WWOX: variants seen among roughly 807,000 people sequenced by gnomAD.
WWOX encodes the protein WW domain-containing oxidoreductase.
Under a neutral mutation model 46.2 loss-of-function variants are expected in WWOX, and 69 were observed. The ratio of observed to expected loss-of-function variants is 1.49; its 90% CI spans 1.23 to 1.82. The LOEUF is 1.82. Ranked by LOEUF, WWOX falls within the 40% of genes most tolerant of loss-of-function variation. The pLI, the probability that WWOX is intolerant of heterozygous loss-of-function variation, is 0.00. For missense variants in WWOX, 919 were observed against 542.6 expected, an observed-to-expected ratio of 1.69 and a Z score of -6.89; for synonymous variants, 359 against 202.6, an observed-to-expected ratio of 1.77 and a Z score of -6.56.
intron 8 of WWOX, among the ~76,000 whole-genome samples, chr16:78,868,442 A>C (rs57137301): frequency 0.029 from 4,328 of 150,918 alleles, 227 homozygotes; most frequent in African/African-American, 0.099. Context: ...TTCTAGGACA[A>C]GACTGTGGTG....
chr16:78,370,796 G>T lies in WWOX; in HGVS notation c.517-16064G>T, dbSNP rs1435429098. On this transcript the variant is annotated intron_variant, in intron 5 of 8. Transcript: ENST00000566780. ...TTTTTTTCTTTTTTTTTTGGGGGGG[G>T]GGGGGCAATGCATTCTTAACCCCCT... Among the ~76,000 whole-genome samples the T allele has an allele frequency of 1.7e-4, 26 of 148,970 alleles. 1 individual carries two copies. The highest frequency in any genetic ancestry group is 6.1e-4 in the African/African-American group (25 of 40,732).
At chr16:79,187,556 C>T (rs111594919) in intron 8 of WWOX, among the ~76,000 whole-genome samples, 1 of 152,078 alleles carries the variant, frequency 6.6e-6, no homozygotes, top group Non-Finnish European at 1.5e-5. Context: ...CCCTCCACAC[C>T]GCACACCGCC....
chr16:79,069,823 A>G (rs1308191994), intron 8 of WWOX, among the ~76,000 whole-genome samples: 1 of 151,890 alleles, frequency 6.6e-6, no homozygotes, highest in South Asian at 2.1e-4. Context: ...AACTGGTGTT[A>G]GTTAGTCTCA....
At chr16:78,866,215 C>G (rs1015258585) in intron 8 of WWOX, among the ~76,000 whole-genome samples, 3 of 152,090 alleles carry the variant, frequency 2.0e-5, no homozygotes, top group Non-Finnish European at 4.4e-5. Flanking sequence ...CTGCCAGTCT[C>G]CATAGCAGTG....
chr16:79,056,668 C>T (rs549269447), intron 8 of WWOX, among the ~76,000 whole-genome samples: 1 of 152,288 alleles, frequency 6.6e-6, no homozygotes, highest in East Asian at 1.9e-4. Flanking sequence ...CAAATGTCTC[C>T]AAACATTGCC....
intron 6 of WWOX, among the ~76,000 whole-genome samples, chr16:78,416,905 T>G (rs2082810107): frequency 6.6e-6 from 1 of 152,206 alleles, no homozygotes; most frequent in African/African-American, 2.4e-5. Context: ...GTGAACTAAC[T>G]GGCCATGAGT....
intron 8 of WWOX, among the ~76,000 whole-genome samples, chr16:78,719,947 T>C (rs977437342): frequency 6.6e-6 from 1 of 152,236 alleles, no homozygotes; most frequent in Admixed American, 6.5e-5. Flanking sequence ...ACCAAAGTGT[T>C]CTATTCTAAG....
intron 8 of WWOX, among the ~76,000 whole-genome samples, chr16:78,925,274 CTGGGTG>C (rs2045472612): frequency 6.6e-6 from 1 of 152,226 alleles, no homozygotes; most frequent in Non-Finnish European, 1.5e-5. Flanking sequence ...ATTGCTGCCA[CTGGGTG>C]GCAGCATACT....
At chr16:78,442,983 C>T (rs983071977) in intron 8 of WWOX, among the ~76,000 whole-genome samples, 7 of 151,516 alleles carry the variant, frequency 4.6e-5, no homozygotes, top group East Asian at 1.9e-4. Context: ...ATTAGCCAGG[C>T]GTGGTGGTGG....
chr16:78,392,379 C>G (rs4357949), intron 6 of WWOX, among the ~76,000 whole-genome samples: 52,802 of 151,646 alleles, frequency 0.35, 12,171 homozygotes, highest in African/African-American at 0.62. Flanking sequence ...TTGTCTAGTT[C>G]TAGGAAAACA....
intron 6 of WWOX, among the ~76,000 whole-genome samples, chr16:78,387,594 G>T (rs2082086821): frequency 6.6e-6 from 1 of 151,898 alleles, no homozygotes; most frequent in Non-Finnish European, 1.5e-5. Context: ...GAAGGGGGTG[G>T]GGAGACAGAG....
At chr16:78,314,424 G>A (rs1378587188) in intron 5 of WWOX, among the ~76,000 whole-genome samples, 46 of 120,792 alleles carry the variant, frequency 3.8e-4, no homozygotes, top group East Asian at 5.2e-4. Flanking sequence ...AAAAAAAAAA[G>A]TACAGGACAT....
chr16:78,613,169 C>G (rs753099811), intron 8 of WWOX, among the ~76,000 whole-genome samples: 5 of 152,150 alleles, frequency 3.3e-5, no homozygotes, highest in Non-Finnish European at 5.9e-5. Flanking sequence ...CCCTCCATGC[C>G]TTTTGATGCT....
At chr16:79,031,318 C>T (rs2047749448) in intron 8 of WWOX, among the ~76,000 whole-genome samples, 1 of 152,096 alleles carries the variant, frequency 6.6e-6, no homozygotes, top group African/African-American at 2.4e-5. Flanking sequence ...TGGTACTGAT[C>T]ACTGTCCCAT....
At chr16:79,151,821 C>G (rs562277854) in intron 8 of WWOX, among the ~76,000 whole-genome samples, 2 of 152,290 alleles carry the variant, frequency 1.3e-5, no homozygotes, top group African/African-American at 2.4e-5. Context: ...GCCTCCAGCC[C>G]CAGTGTTGAA....
intron 6 of WWOX, among the ~76,000 whole-genome samples, chr16:78,410,084 G>A (rs182012253): frequency 1.5e-3 from 231 of 152,272 alleles, no homozygotes; most frequent in Non-Finnish European, 2.6e-3. Context: ...GGTGATAAGT[G>A]AGTTCACATG....
At chr16:79,026,790 T>TC (rs1383121999) in intron 8 of WWOX, among the ~76,000 whole-genome samples, 2 of 148,290 alleles carry the variant, frequency 1.3e-5, no homozygotes, top group African/African-American at 5.0e-5. Flanking sequence ...GCTAATTTTT[T>TC]TTTTTTTTTT....
intron 7 of WWOX, among the ~76,000 whole-genome samples, chr16:78,425,752 G>A (rs558317593): frequency 2.6e-5 from 4 of 152,148 alleles, no homozygotes; most frequent in Non-Finnish European, 5.9e-5. Flanking sequence ...GGTGAGGCTG[G>A]ATTTAATACA....
intron 8 of WWOX, among the ~76,000 whole-genome samples, chr16:78,690,410 G>A (rs1438725161): frequency 6.6e-6 from 1 of 152,098 alleles, no homozygotes; most frequent in African/African-American, 2.4e-5. Context: ...AACTTAGCCA[G>A]GTGCGGAGGC....
Sources: allele counts gnomAD v4.1 joint callset (sites outside exome capture counted in the v4.1 genomes callset), GRCh38; gene constraint gnomAD v4.1.1; transcripts MANE v1.5; gene names NCBI Gene and HGNC (gene_info 2026-07-23, HGNC 2026-07-21).